Variants in SNX14 observed in about 807,000 individuals in gnomAD.
SNX14 encodes sorting nexin 14.
SNX14 carries 93 observed loss-of-function variants against 133.8 expected under a neutral mutation model. That is an observed-to-expected ratio of 0.70 (90% CI 0.59 to 0.83). The LOEUF is 0.83. Ranked by LOEUF, SNX14 falls within the 40% of genes least tolerant of loss-of-function variation. The probability of loss-of-function intolerance (pLI) is 0.00; values close to 1 mark genes in which losing one functional copy is unlikely to be tolerated. For synonymous variants in SNX14, 368 were observed against 365.6 expected (o/e 1.01, Z -0.07); for missense variants, 945 against 1,094.9 (o/e 0.86, Z 1.93).
chr6:85,514,376 TATTGA>T, intron 24 of SNX14, 125 bp downstream of exon 24: 1 of 1,417,964 alleles, frequency 7.1e-7, no homozygotes, highest in Non-Finnish European at 9.6e-7. Context: ...AGGCCAATCG[TATTGA>T]ATTATTATAA....
At chr6:85,544,848 A>G (rs1358051660) in intron 12 of SNX14, among the ~76,000 whole-genome samples, 2 of 152,224 alleles carry the variant, frequency 1.3e-5, no homozygotes, top group Admixed American at 1.3e-4. Context: ...AGAAAGAAAC[A>G]ATATTAGAAA....
Position 85,505,810 on chromosome 6 carries a change from ATTAAGT to A in SNX14, c.*151_*156del. ...CTATGAGACTCAATCACTTTTAATC[ATTAAGT>A]TTGTGTTAGTCTTTATTAAAAACAA... On this transcript the variant is annotated 3_prime_UTR_variant, in exon 29 of 29. Coordinates refer to ENST00000314673, the MANE Select transcript of SNX14 (RefSeq NM_153816.6). 1.6e-6 allele frequency: 1 copy of A among 620,242 alleles called. No homozygotes were observed. The allele number at this position is 620,242 out of a possible 1,614,324, so 38.4% of individuals were successfully genotyped here. A position where few individuals can be genotyped will look rare whatever the true frequency, so the allele number is the denominator to read the frequency against.
chr6:85,546,688 C>T (rs1164350197), intron 12 of SNX14, among the ~76,000 whole-genome samples: 3 of 151,986 alleles, frequency 2.0e-5, no homozygotes, highest in African/African-American at 4.8e-5. Context: ...TATGGCCGGG[C>T]GCGGTGGCTC....
At chr6:85,535,996 A>G (rs1054821740) in intron 17 of SNX14, among the ~76,000 whole-genome samples, 2 of 152,232 alleles carry the variant, frequency 1.3e-5, no homozygotes, top group Admixed American at 6.5e-5. Context: ...AATAAAAAGT[A>G]CAAATGAGAC....
At position 85,548,337 on chromosome 6, in the gene SNX14, A is replaced by G. The variant is rs901725844; in HGVS notation, c.831T>C (p.Ser277=). The G allele has an allele frequency of 5.6e-6, 9 of 1,607,948 alleles. No homozygotes were observed. The highest frequency in any genetic ancestry group is 7.6e-6 in the Non-Finnish European group (9 of 1,178,042). The change falls in exon 9 of 29, where the codon TCT becomes TCC. Residue 277 remains serine, a synonymous_variant. Transcript: ENST00000314673. ...GGAAATCCAAAGAAGGAAGGAACACAGAGCCAGACAGAATCTCTCTTATAA... is the reference window on the plus strand; with the variant it reads ...GGAAATCCAAAGAAGGAAGGAACACGGAGCCAGACAGAATCTCTCTTATAA... ...TLLIREILSG[S]VFLPSLDFLA...
At chr6:85,547,622 T>C (rs1786149692) in intron 9 of SNX14, 72 bp from the exon 10 acceptor site, 13 of 1,247,584 alleles carry the variant, frequency 1.0e-5, no homozygotes, top group Non-Finnish European at 1.4e-5. Flanking sequence ...TCATAACTTG[T>C]ATCATATTAT....
intron 12 of SNX14, among the ~76,000 whole-genome samples, chr6:85,545,126 T>A (rs544183888): frequency 6.6e-6 from 1 of 152,098 alleles, no homozygotes; most frequent in African/African-American, 2.4e-5. Context: ...ATTAGGACTA[T>A]GATAAATGAA....
In SNX14 at chr6:85,514,602, C is replaced by T. The variant is rs1774154539; in HGVS notation, c.2296G>A (p.Ala766Thr). The T allele has an allele frequency of 6.2e-7, 1 of 1,611,968 alleles. No individual in the cohort carries two copies. The highest frequency in any genetic ancestry group is 8.5e-7 in the Non-Finnish European group (1 of 1,178,968). Residue 766 changes from alanine to threonine, a missense_variant, in exon 24 of 29, where the codon GCA (alanine) becomes ACA (threonine). Coordinates refer to ENST00000314673, the MANE Select transcript of SNX14 (RefSeq NM_153816.6). The stretch of plus-strand genomic sequence containing the variant: ...CTCTCTGTATTTTCAGCACGGTTTG[C>T]ATTATTTTTAAACAGATCATTGAAA... ...KLFNDLFKNN[A>T]NRAENTERKQ...
intron 21 of SNX14, among the ~76,000 whole-genome samples, chr6:85,523,974 A>C (rs546971384): frequency 2.0e-5 from 3 of 152,166 alleles, no homozygotes; most frequent in African/African-American, 7.2e-5. Flanking sequence ...CACGAGGTCA[A>C]GAGATCGAGA....
At chr6:85,555,459 G>A (rs1239282750) in intron 7 of SNX14, among the ~76,000 whole-genome samples, 1 of 152,132 alleles carries the variant, frequency 6.6e-6, no homozygotes, top group Non-Finnish European at 1.5e-5. Context: ...ATTGCTAAGT[G>A]AAAGAAATCC....
At chr6:85,517,634 A>C in intron 23 of SNX14, 122 bp downstream of exon 23, 1 of 1,171,400 alleles carries the variant, frequency 8.5e-7, no homozygotes, top group Non-Finnish European at 1.2e-6. Context: ...TGATTTCCAC[A>C]TAAAGGAAAT....
intron 16 of SNX14, 125 bp downstream of exon 16, chr6:85,538,713 C>G: frequency 1.5e-6 from 1 of 680,282 alleles, no homozygotes; most frequent in East Asian, 3.2e-5. Flanking sequence ...TCCTAAATAA[C>G]TAGGATATAA....
rs1037447599 is a variant in SNX14 at position 85,518,175 on chromosome 6, T to C, written c.2108-127A>G. The C allele has an allele frequency of 5.6e-6, 4 of 719,606 alleles. No homozygotes were observed. The Admixed American group carries it at 8.4e-5, about 15-fold the overall frequency. The allele number at this position is 719,606 out of a possible 1,614,324, so 44.6% of individuals were successfully genotyped here. A position where few individuals can be genotyped will look rare whatever the true frequency, so the allele number is the denominator to read the frequency against. ...TTAAAACTGTAAAAGTATTTATGAT[T>C]GACCATTTCACACTCCATGGAAATT... is the stretch of plus-strand genomic sequence containing the variant. On this transcript the variant is annotated intron_variant, in intron 21 of 28. Coordinates refer to ENST00000314673, the MANE Select transcript of SNX14 (RefSeq NM_153816.6).
intron 26 of SNX14, chr6:85,508,445 A>G: frequency 1.1e-6 from 1 of 894,200 alleles, no homozygotes; most frequent in Non-Finnish European, 1.3e-6. Flanking sequence ...CATGTATAGA[A>G]ATGCATGGAA....
chr6:85,591,848 T>C (rs1199583878), intron 1 of SNX14, among the ~76,000 whole-genome samples: 1 of 151,904 alleles, frequency 6.6e-6, no homozygotes, highest in East Asian at 1.9e-4. Flanking sequence ...CCGTCTCTAT[T>C]AAAAATGTAA....
intron 17 of SNX14, 81 bp from the exon 18 acceptor site, chr6:85,533,881 T>C: frequency 1.9e-6 from 2 of 1,055,076 alleles, no homozygotes; most frequent in Non-Finnish European, 2.8e-6. Flanking sequence ...TATAAAGTAA[T>C]ATGCCCATAT....
In SNX14 at chr6:85,584,662, G is replaced by A. The variant is rs1013714134; in HGVS notation, c.140+8917C>T. Among the ~76,000 whole-genome samples the A allele has an allele frequency of 9.2e-5, 14 of 152,120 alleles. No homozygotes were observed. In the East Asian group the frequency reaches 1.9e-3, roughly 21 times the overall value. ...CATATGAAAAAAAGCTCATCATCACGGGTCATTAGAGAAATGCAAATCAAA... is the reference window on the plus strand; with the variant it reads ...CATATGAAAAAAAGCTCATCATCACAGGTCATTAGAGAAATGCAAATCAAA... On this transcript the variant is annotated intron_variant, in intron 1 of 28. Transcript: ENST00000314673.
chr6:85,575,947 G>GT (rs539865834), intron 1 of SNX14, among the ~76,000 whole-genome samples: 1 of 152,106 alleles, frequency 6.6e-6, no homozygotes, highest in Admixed American at 6.5e-5. Flanking sequence ...CTCTTAATAT[G>GT]TTTTTTACAA....
chr6:85,589,455 T>G (rs1583172349), intron 1 of SNX14: 1 of 153,850 alleles, frequency 6.5e-6, no homozygotes. Context: ...TGGGCTCAAG[T>G]GAGCCATCCA....
Sources: allele counts gnomAD v4.1 joint callset (sites outside exome capture counted in the v4.1 genomes callset), GRCh38; gene constraint gnomAD v4.1.1; transcripts MANE v1.5; gene names NCBI Gene and HGNC (gene_info 2026-07-23, HGNC 2026-07-21).